Variants in SCN2A observed in about 807,000 individuals in gnomAD.
SCN2A encodes sodium channel protein type 2 subunit alpha.
In SCN2A, 20 loss-of-function variants were observed where a neutral mutation model predicts 188.7. The observed-to-expected ratio is 0.11, with a 90% CI of 0.07 to 0.15. SCN2A has a LOEUF of 0.15. Ranked by LOEUF, SCN2A falls within the 10% of genes least tolerant of loss-of-function variation. SCN2A has a pLI of 1.00. For synonymous variants in SCN2A, 804 were observed against 833.1 expected (o/e 0.97, Z 0.60); for missense variants, 1,278 against 2,445.0 (o/e 0.52, Z 10.07).
intron 3 of SCN2A, among the ~76,000 whole-genome samples, chr2:165,299,825 A>G (rs181362444): frequency 3.9e-5 from 6 of 152,172 alleles, no homozygotes; most frequent in African/African-American, 7.2e-5. Context: ...GTCATTGTAT[A>G]TTTATTACCA....
intron 23 of SCN2A, among the ~76,000 whole-genome samples, chr2:165,379,371 G>C (rs1388854970): frequency 6.6e-6 from 1 of 151,660 alleles, no homozygotes; most frequent in Admixed American, 6.6e-5. Flanking sequence ...ACAAAACTAA[G>C]CTTATTGTTC....
In SCN2A at chr2:165,319,786, A is replaced by G. The variant is rs748937613; in HGVS notation, c.1672-3370A>G. 7.2e-5 allele frequency among the ~76,000 whole-genome samples: 11 copies of G among 152,346 alleles called. No individual in the cohort carries two copies. The Middle Eastern group carries it at 0.024, about 330-fold the overall frequency. ...TGGGGAAAACCCCTACCATGATTTA[A>G]CTATCTCTGACCAGGTCCCTCCCAC... On this transcript the variant is annotated intron_variant, in intron 11 of 26. Transcript: ENST00000375437.
At chr2:165,268,463 A>G (rs1266674990) in intron 1 of SCN2A, 1 of 151,980 alleles carries the variant, frequency 6.6e-6, no homozygotes, top group Non-Finnish European at 1.5e-5. Context: ...ACACAGAAAA[A>G]ATGTTTGATA....
intron 14 of SCN2A, 132 bp downstream of exon 14, chr2:165,331,700 CTTTT>C: frequency 1.3e-6 from 1 of 767,200 alleles, no homozygotes; most frequent in Admixed American, 2.1e-5. Context: ...TTTAGCATCC[CTTTT>C]AAATAACAAA....
intron 1 of SCN2A, among the ~76,000 whole-genome samples, chr2:165,265,500 TA>T (rs1203558894): frequency 1.4e-4 from 18 of 126,936 alleles, no homozygotes; most frequent in Non-Finnish European, 5.1e-5. Context: ...TATATATATA[TA>T]TATATATATA....
chr2:165,324,282 G>T (rs1418989647), intron 12 of SCN2A, among the ~76,000 whole-genome samples: 1 of 152,010 alleles, frequency 6.6e-6, no homozygotes, highest in Non-Finnish European at 1.5e-5. Flanking sequence ...ACATATTTTG[G>T]CAATGTCACT....
At chr2:165,379,069 A>G (rs931958783) in intron 23 of SCN2A, among the ~76,000 whole-genome samples, 1 of 151,828 alleles carries the variant, frequency 6.6e-6, no homozygotes, top group Non-Finnish European at 1.5e-5. Flanking sequence ...TGAGAAAGTT[A>G]AAGATATTTT....
chr2:165,382,767 T>C (rs1188033825), intron 25 of SCN2A, among the ~76,000 whole-genome samples: 3 of 152,112 alleles, frequency 2.0e-5, no homozygotes, highest in Non-Finnish European at 4.4e-5. Flanking sequence ...GCCTATGAAA[T>C]GTCCAGACTG....
chr2:165,332,148 G>A (rs1202750612), intron 14 of SCN2A, among the ~76,000 whole-genome samples: 1 of 151,734 alleles, frequency 6.6e-6, no homozygotes, highest in Non-Finnish European at 1.5e-5. Context: ...AGATTTTAAA[G>A]TGGTCTTATA....
At chr2:165,344,161 T>C (rs906830586) in intron 15 of SCN2A, among the ~76,000 whole-genome samples, 51 of 152,318 alleles carry the variant, frequency 3.3e-4, no homozygotes, top group Admixed American at 1.8e-3. Context: ...GTAGGATACT[T>C]GAAAATTTGG....
At chr2:165,293,877 C>T in intron 1 of SCN2A, 8 of 985,000 alleles carry the variant, frequency 8.1e-6, no homozygotes, top group Non-Finnish European at 9.6e-6. Context: ...AGGTGTTTCT[C>T]TTCACAGTTC....
chr2:165,348,911 G>T (rs1699745038), intron 16 of SCN2A, among the ~76,000 whole-genome samples: 1 of 152,162 alleles, frequency 6.6e-6, no homozygotes, highest in East Asian at 1.9e-4. Context: ...AAGAGAGAAG[G>T]CAAGGAGAAA....
At chr2:165,357,865 A>G (rs944161094) in intron 17 of SCN2A, among the ~76,000 whole-genome samples, 11 of 152,154 alleles carry the variant, frequency 7.2e-5, no homozygotes, top group African/African-American at 2.4e-4. Flanking sequence ...CAGGTTACCC[A>G]AGCAAGTTGT....
At chr2:165,295,631 T>C in intron 1 of SCN2A, 142 bp from the exon 2 acceptor site, 1 of 760,572 alleles carries the variant, frequency 1.3e-6, no homozygotes, top group Non-Finnish European at 2.1e-6. Context: ...TGAGATTCCC[T>C]GAATACCAAA....
chr2:165,252,620 A>G (rs942923986), intron 1 of SCN2A, among the ~76,000 whole-genome samples: 5 of 152,122 alleles, frequency 3.3e-5, no homozygotes, highest in African/African-American at 4.8e-5. Flanking sequence ...TGTGACAAAA[A>G]AAAGGTCAGA....
intron 14 of SCN2A, among the ~76,000 whole-genome samples, chr2:165,334,028 A>C (rs1388866459): frequency 6.7e-6 from 1 of 150,310 alleles, no homozygotes; most frequent in Non-Finnish European, 1.5e-5. Context: ...GAAATTGAAA[A>C]ATTCCTAGGG....
At chr2:165,296,920 C>T in intron 2 of SCN2A, 97 bp from the exon 3 acceptor site, 1 of 703,424 alleles carries the variant, frequency 1.4e-6, no homozygotes, top group Admixed American at 2.3e-5. Context: ...CACTATTTTA[C>T]AGGGCAATAT....
At chr2:165,377,767 T>C in intron 23 of SCN2A, 117 bp downstream of exon 23, 2 of 757,000 alleles carry the variant, frequency 2.6e-6, no homozygotes, top group Non-Finnish European at 4.3e-6. Context: ...AAAACCCATC[T>C]ATATTATAAG....
rs980593981 is a variant in SCN2A, at chr2:165,354,336, C to T, written c.3064C>T (p.Arg1022Cys). Reference protein sequence around the residue: ...KGIDFVKRKIREFIQKAFVRK... With the variant: ...KGIDFVKRKICEFIQKAFVRK... Reference sequence around the variant, plus strand: ...AATCGATTTTGTTAAAAGAAAAATACGTGAATTTATTCAGAAAGCCTTTGT... The same window carrying T: ...AATCGATTTTGTTAAAAGAAAAATATGTGAATTTATTCAGAAAGCCTTTGT... Residue 1022 changes from arginine (R) to cysteine (C), a missense_variant, in exon 17 of 27, where the codon CGT becomes TGT. Physicochemically the swap from Arg to Cys is radical, Grantham distance 180. Coordinates refer to ENST00000375437, the MANE Select transcript of SCN2A (RefSeq NM_001040142.2). 1.2e-6 allele frequency: 2 copies of T among 1,613,938 alleles called. No individual in the cohort carries two copies. The highest frequency in any genetic ancestry group is 1.7e-6 in the Non-Finnish European group (2 of 1,179,940).
Sources: allele counts gnomAD v4.1 joint callset (sites outside exome capture counted in the v4.1 genomes callset), GRCh38; gene constraint gnomAD v4.1.1; transcripts MANE v1.5; gene names NCBI Gene and HGNC (gene_info 2026-07-23, HGNC 2026-07-21).